Variants in RANBP3 observed in about 807,000 individuals in gnomAD.
RANBP3 encodes the protein ran-binding protein 3.
Under a neutral mutation model 77.3 loss-of-function variants are expected in RANBP3, and 14 were observed. That is an observed-to-expected ratio of 0.18 (90% CI 0.12 to 0.28). RANBP3 has a LOEUF of 0.28. RANBP3 is among the 10% of genes least tolerant of loss of function. The probability of loss-of-function intolerance (pLI) is 1.00; values close to 1 mark genes in which losing one functional copy is unlikely to be tolerated. For missense variants in RANBP3, 586 were observed against 752.3 expected, an observed-to-expected ratio of 0.78 and a Z score of 2.59; for synonymous variants, 315 against 312.4, an observed-to-expected ratio of 1.01 and a Z score of -0.09.
At chr19:5,918,669 C>T (rs1429192065) in intron 14 of RANBP3, 31 bp from the exon 15 acceptor site, 7 of 1,606,624 alleles carry the variant, frequency 4.4e-6, no homozygotes, top group African/African-American at 2.7e-5. Flanking sequence ...CAGCCCTGGC[C>T]CCCACACCGG....
At chr19:5,949,162 G>A (rs138626266) in intron 3 of RANBP3, among the ~76,000 whole-genome samples, 6 of 152,300 alleles carry the variant, frequency 3.9e-5, no homozygotes, top group Non-Finnish European at 7.4e-5. Context: ...GAGACCTGCC[G>A]GGTAACATGG....
chr19:5,928,654 G>A (rs925333461), intron 8 of RANBP3, among the ~76,000 whole-genome samples: 5 of 152,098 alleles, frequency 3.3e-5, no homozygotes, highest in African/African-American at 1.2e-4. Flanking sequence ...AGTCGGGAGA[G>A]AGAATTCAAA....
At chr19:5,945,537 C>T (rs1417826212) in intron 3 of RANBP3, among the ~76,000 whole-genome samples, 2 of 152,154 alleles carry the variant, frequency 1.3e-5, no homozygotes, top group Non-Finnish European at 2.9e-5. Flanking sequence ...GTGGGGTGAC[C>T]TATATGTCTG....
intron 5 of RANBP3, among the ~76,000 whole-genome samples, chr19:5,939,544 C>T (rs529012277): frequency 3.9e-4 from 60 of 152,198 alleles, no homozygotes; most frequent in Middle Eastern, 3.4e-3. Flanking sequence ...GCAGATGGCT[C>T]GCAGAAGCTT....
chr19:5,965,300 C>T (rs525452), intron 1 of RANBP3, among the ~76,000 whole-genome samples: 11 of 151,920 alleles, frequency 7.2e-5, no homozygotes, highest in African/African-American at 2.7e-4. Flanking sequence ...GGGAAAGGGC[C>T]CAGATACTGC....
rs141004878 is a variant in RANBP3, at chr19:5,977,266, T to C, written c.22+795A>G. On this transcript the variant is annotated intron_variant, in intron 1 of 16. Transcript: ENST00000340578. ...AGCTACAGCGATGGCAACACGACTA[T>C]GGATGGAAGCAGACATCAGCCTTAT... Among the ~76,000 whole-genome samples the C allele has an allele frequency of 4.5e-3, 679 of 151,480 alleles. 3 individuals are homozygous for C. The highest frequency in any genetic ancestry group is 0.016 in the African/African-American group (652 of 41,266).
intron 2 of RANBP3, among the ~76,000 whole-genome samples, chr19:5,953,180 G>C (rs1599771795): frequency 1.3e-5 from 2 of 152,186 alleles, no homozygotes; most frequent in East Asian, 3.8e-4. Flanking sequence ...TAAGTGTTGA[G>C]AAGTATTACA....
intron 5 of RANBP3, among the ~76,000 whole-genome samples, chr19:5,937,983 C>A (rs1220917408): frequency 1.3e-5 from 2 of 152,152 alleles, no homozygotes; most frequent in African/African-American, 4.8e-5. Context: ...TAAGCGACAC[C>A]CCAGGAATAA....
chr19:5,921,189 T>C lies in RANBP3; in HGVS notation c.1330+12A>G. 6.2e-7 allele frequency: 1 copy of C among 1,607,126 alleles called. No homozygotes were observed. The highest frequency in any genetic ancestry group is 8.5e-7 in the Non-Finnish European group (1 of 1,177,786). On this transcript the variant is annotated intron_variant, in intron 14 of 16. Coordinates refer to ENST00000340578, the MANE Select transcript of RANBP3 (RefSeq NM_007322.3). The surrounding 1 kb of genome is among the most constrained non-coding windows in gnomAD (Gnocchi z 5.3). ...GGGGACCCGGCCACAGCCCCCGCCGTCGGCAGCTCACCTAGTCGGGACTGT... is the reference window on the plus strand; with the variant it reads ...GGGGACCCGGCCACAGCCCCCGCCGCCGGCAGCTCACCTAGTCGGGACTGT...
At chr19:5,925,914 C>T (rs1258615375) in intron 9 of RANBP3, 177 bp from the exon 10 acceptor site, 14 of 604,068 alleles carry the variant, frequency 2.3e-5, no homozygotes, top group Non-Finnish European at 3.6e-5. Context: ...TAATCAACTC[C>T]ATCACCTTTT....
chr19:5,925,901 C>A, intron 9 of RANBP3, 164 bp from the exon 10 acceptor site: 1 of 612,836 alleles, frequency 1.6e-6, no homozygotes, highest in Admixed American at 2.6e-5. Context: ...GGGGGCAGGG[C>A]TATAATCAAC....
chr19:5,970,516 C>A (rs1342498815), intron 1 of RANBP3, among the ~76,000 whole-genome samples: 2 of 152,034 alleles, frequency 1.3e-5, no homozygotes, highest in African/African-American at 4.8e-5. Context: ...GTCTGGAGAC[C>A]TTTTATCTTC....
intron 9 of RANBP3, among the ~76,000 whole-genome samples, chr19:5,926,320 C>T (rs968699642): frequency 6.6e-6 from 1 of 151,900 alleles, no homozygotes; most frequent in Non-Finnish European, 1.5e-5. Flanking sequence ...GCTGAGGCGG[C>T]GGGGAATCAC....
At chr19:5,957,766 C>G (rs1045324250) in intron 2 of RANBP3, 152 bp downstream of exon 2, 1 of 791,222 alleles carries the variant, frequency 1.3e-6, no homozygotes, top group Non-Finnish European at 2.1e-6. Flanking sequence ...CTTTTCCCTC[C>G]AAGCTCAACG....
Position 5,923,811 on chromosome 19 carries a change from C to T in RANBP3, c.1099+1G>A. On this transcript the variant is annotated splice_donor_variant, in intron 12 of 16. Transcript: ENST00000340578. LOFTEE classifies it high-confidence loss of function. The stretch of plus-strand genomic sequence containing the variant: ...CATGCTGTGGTGGGACGCTAACATA[C>T]CTTTCTCAGGGGTGGCCTCCTGGGA... The T allele has an allele frequency of 6.2e-7, 1 of 1,608,614 alleles. No individual in the cohort carries two copies. The highest frequency in any genetic ancestry group is 8.5e-7 in the Non-Finnish European group (1 of 1,174,968).
chr19:5,928,617 G>T (rs992806595), intron 8 of RANBP3, among the ~76,000 whole-genome samples: 8 of 152,088 alleles, frequency 5.3e-5, no homozygotes, highest in Admixed American at 5.2e-4. Flanking sequence ...TGGTGTGTAT[G>T]TGTGTTGAGG....
chr19:5,950,608 C>T (rs987645195), intron 3 of RANBP3: 7 of 152,190 alleles, frequency 4.6e-5, no homozygotes, highest in African/African-American at 1.7e-4. Context: ...AGCTGGGTCC[C>T]TTCTTTTCTT....
rs773112941 is a variant in RANBP3, at chr19:5,978,077, C to T, written c.6G>A (p.Ala2=). ...CTCCCCTACCTTCGTTCGCCAGGTCCGCCATTTTACTTCCTTAAGCCCTCC... is the reference window on the plus strand; with the variant it reads ...CTCCCCTACCTTCGTTCGCCAGGTCTGCCATTTTACTTCCTTAAGCCCTCC... M[A]DLANEEKPAI... is the part of the protein sequence containing the mutation. Residue 2 remains alanine, a synonymous_variant, in exon 1 of 17, where the codon GCG becomes GCA. Coordinates refer to ENST00000340578, the MANE Select transcript of RANBP3 (RefSeq NM_007322.3). The T allele has an allele frequency of 1.9e-6, 3 of 1,610,946 alleles. No homozygotes were observed. The Admixed American group carries it at 5.0e-5, about 27-fold the overall frequency.
In RANBP3 at chr19:5,917,500, G is replaced by T. The variant is rs1288012578; in HGVS notation, c.*110C>A. ...TCCAGACTGTGGCCGGCCCAGTGGG[G>T]TGTGTGGTTCCCGGCCCCGCACCTG... is the stretch of plus-strand genomic sequence containing the variant. On this transcript the variant is annotated 3_prime_UTR_variant, in exon 17 of 17. Coordinates refer to ENST00000340578, the MANE Select transcript of RANBP3 (RefSeq NM_007322.3). The T allele has an allele frequency of 1.7e-5, 21 of 1,263,338 alleles. No homozygotes were observed. Among genetic ancestry groups the T allele is most frequent in the Non-Finnish European group, 1.9e-5 (18 of 925,384 alleles). 78.3% of individuals were successfully genotyped at this position (1,263,338 alleles called of 1,614,324 possible).
Sources: gnomAD v4.1 joint callset for allele counts (sites outside exome capture counted in the v4.1 genomes callset) on GRCh38, gnomAD v4.1.1 for gene constraint, Gnocchi (gnomAD v3.1) non-coding constraint, MANE v1.5 for transcripts, NCBI Gene and HGNC (gene_info 2026-07-23, HGNC 2026-07-21) for gene names.